Variants in SYCP2L observed in about 807,000 individuals in gnomAD.
SYCP2L encodes synaptonemal complex protein 2-like.
In SYCP2L, 98 loss-of-function variants were observed where a neutral mutation model predicts 125.8. That is an observed-to-expected ratio of 0.78 (90% CI 0.66 to 0.92). SYCP2L has a LOEUF of 0.92. Among genes scored for constraint, SYCP2L ranks in the 40% least tolerant of loss-of-function variants. SYCP2L has a pLI of 0.00. For synonymous variants in SYCP2L, 317 were observed against 325.4 expected, an observed-to-expected ratio of 0.97 and a Z score of 0.28; for missense variants, 842 against 936.4, an observed-to-expected ratio of 0.90 and a Z score of 1.32.
rs1342839083 is a variant in SYCP2L, at chr6:10,912,442, A to G, written c.919-231A>G. ...ATGTGACACATTTAAATATCTATCA[A>G]ATATGCTAAGGATAGTGGGATTTTT... is the stretch of plus-strand genomic sequence containing the variant. On this transcript the variant is annotated intron_variant, in intron 12 of 29. Coordinates refer to ENST00000283141, the MANE Select transcript of SYCP2L (RefSeq NM_001040274.3). The surrounding 1 kb of genome is among the most constrained non-coding windows in gnomAD (Gnocchi z 4.1). Among the ~76,000 whole-genome samples the G allele has an allele frequency of 1.3e-5, 2 of 152,226 alleles. No individual in the cohort carries two copies. The highest frequency in any genetic ancestry group is 2.4e-5 in the African/African-American group (1 of 41,460).
Position 10,954,996 on chromosome 6 carries a change from C to T in SYCP2L, c.1955-120C>T. 1.4e-6 allele frequency: 1 copy of T among 699,200 alleles called. No individual in the cohort carries two copies. The highest frequency in any genetic ancestry group is 2.5e-5 in the East Asian group (1 of 39,582). 43.3% of individuals were successfully genotyped at this position (699,200 alleles called of 1,614,324 possible). A position where few individuals can be genotyped will look rare whatever the true frequency, so the allele number is the denominator to read the frequency against. On this transcript the variant is annotated intron_variant, in intron 23 of 29. Coordinates refer to ENST00000283141, the MANE Select transcript of SYCP2L (RefSeq NM_001040274.3). This position sits in a 1 kb window ranked among gnomAD's most constrained non-coding sequence, Gnocchi z 4.8. ...GCCTAGTCGATGCACCGAATGATAA[C>T]TCATTAGCAACAGGCAGGGGACAAG...
chr6:10,888,704 T>C (rs1020741881), intron 1 of SYCP2L, among the ~76,000 whole-genome samples: 2 of 152,198 alleles, frequency 1.3e-5, no homozygotes, highest in African/African-American at 2.4e-5. Flanking sequence ...GGGCCGTGTC[T>C]ATAGAGAAAA....
intron 16 of SYCP2L, 57 bp downstream of exon 16, chr6:10,926,489 C>G (rs1352275622): frequency 4.3e-6 from 6 of 1,396,760 alleles, no homozygotes; most frequent in Non-Finnish European, 6.1e-6. Context: ...GCGATGAAAC[C>G]TTAGTTGGAA....
intron 2 of SYCP2L, 82 bp downstream of exon 2, chr6:10,891,663 GT>G: frequency 1.2e-6 from 1 of 818,728 alleles, no homozygotes. Flanking sequence ...GTGTGTGTGT[GT>G]ATGTGTATAT....
intron 29 of SYCP2L, among the ~76,000 whole-genome samples, chr6:10,967,835 G>GTTT (rs1781707160): frequency 6.6e-6 from 1 of 152,120 alleles, no homozygotes; most frequent in East Asian, 1.9e-4. Context: ...TGGGCCTTAA[G>GTTT]TGCCCTTTTG....
At chr6:10,950,946 C>A (rs1044567110) in intron 23 of SYCP2L, among the ~76,000 whole-genome samples, 1 of 152,100 alleles carries the variant, frequency 6.6e-6, no homozygotes. Context: ...AGGCATGAGC[C>A]ACATGCCCAG....
chr6:10,965,326 A>G (rs1307695580), intron 29 of SYCP2L, among the ~76,000 whole-genome samples: 1 of 152,226 alleles, frequency 6.6e-6, no homozygotes, highest in African/African-American at 2.4e-5. Flanking sequence ...AGGTAAAGGA[A>G]GAAGAATGAA....
chr6:10,932,282 G>C (rs1366564477), intron 20 of SYCP2L, among the ~76,000 whole-genome samples: 3 of 152,088 alleles, frequency 2.0e-5, no homozygotes, highest in Non-Finnish European at 2.9e-5. Flanking sequence ...TTATATCAGA[G>C]TAGTTAAGAA....
intron 4 of SYCP2L, 59 bp from the exon 5 acceptor site, chr6:10,897,952 A>G (rs1780286808): frequency 9.9e-6 from 11 of 1,114,978 alleles, no homozygotes; most frequent in South Asian, 5.1e-5. Context: ...GTCTTGTGCA[A>G]TTTTATTGAA....
chr6:10,939,482 A>G (rs1561694702), intron 21 of SYCP2L, among the ~76,000 whole-genome samples: 1 of 152,260 alleles, frequency 6.6e-6, no homozygotes, highest in Non-Finnish European at 1.5e-5. Flanking sequence ...AGTGTATTCA[A>G]AAACTATAGT....
chr6:10,936,989 A>C (rs74290107), intron 21 of SYCP2L, among the ~76,000 whole-genome samples: 5,125 of 152,288 alleles, frequency 0.034, 222 homozygotes, highest in East Asian at 0.22. Context: ...AATACAATAA[A>C]AGAGTTCTTT....
intron 12 of SYCP2L, 81 bp downstream of exon 12, chr6:10,910,950 T>C (rs758956783): frequency 4.6e-5 from 68 of 1,489,168 alleles, no homozygotes; most frequent in Non-Finnish European, 6.3e-5. Context: ...GATCAAACTT[T>C]TGCTCTCATA....
At chr6:10,941,373 G>A (rs1781217138) in intron 21 of SYCP2L, among the ~76,000 whole-genome samples, 1 of 152,130 alleles carries the variant, frequency 6.6e-6, no homozygotes, top group Non-Finnish European at 1.5e-5. Context: ...GCAACCTACA[G>A]AATGGGAGAA....
intron 5 of SYCP2L, among the ~76,000 whole-genome samples, 198 bp downstream of exon 5, chr6:10,898,313 G>A (rs1234454132): frequency 2.6e-5 from 4 of 152,140 alleles, no homozygotes; most frequent in African/African-American, 7.2e-5. Flanking sequence ...TCAGGAGTTC[G>A]AGACCAGCCT....
intron 1 of SYCP2L, among the ~76,000 whole-genome samples, chr6:10,887,394 G>C (rs994363872): frequency 6.6e-6 from 1 of 152,204 alleles, no homozygotes. Flanking sequence ...TGTTCGGAAA[G>C]CAATGAGATA....
intron 29 of SYCP2L, among the ~76,000 whole-genome samples, chr6:10,972,349 T>C (rs1781788667): frequency 6.6e-6 from 1 of 152,224 alleles, no homozygotes; most frequent in Non-Finnish European, 1.5e-5. Context: ...CCAGCTCCAA[T>C]AGAGAATTGG....
intron 21 of SYCP2L, among the ~76,000 whole-genome samples, chr6:10,939,176 C>A (rs534857218): frequency 2.0e-5 from 3 of 151,074 alleles, no homozygotes; most frequent in African/African-American, 7.3e-5. Flanking sequence ...TAAAAATAAC[C>A]AAGGAGGTGA....
At chr6:10,933,407 G>A (rs557431786) in intron 20 of SYCP2L, among the ~76,000 whole-genome samples, 147 of 152,318 alleles carry the variant, frequency 9.7e-4, no homozygotes, top group African/African-American at 3.3e-3. Flanking sequence ...CTGATACAGA[G>A]CAGTGGTTCT....
At chr6:10,921,695 A>G (rs1581827040) in intron 14 of SYCP2L, among the ~76,000 whole-genome samples, 1 of 147,844 alleles carries the variant, frequency 6.8e-6, no homozygotes, top group Non-Finnish European at 1.5e-5. Context: ...GTGTCTGTTT[A>G]TGTCCTTTGA....
Sources: gnomAD v4.1 joint callset for allele counts (sites outside exome capture counted in the v4.1 genomes callset) on GRCh38, gnomAD v4.1.1 for gene constraint, Gnocchi (gnomAD v3.1) non-coding constraint, MANE v1.5 for transcripts, NCBI Gene and HGNC (gene_info 2026-07-23, HGNC 2026-07-21) for gene names.